The following CRACDL variants were observed in gnomAD, a reference collection of about 807,000 sequenced individuals.
The protein encoded by CRACDL is CRACD-like protein.
CRACDL carries 26 observed loss-of-function variants against 70.6 expected under a neutral mutation model. The observed-to-expected ratio is 0.37, with a 90% CI of 0.27 to 0.51. CRACDL has a LOEUF of 0.51. CRACDL is among the 20% of genes least tolerant of loss of function. The pLI, the probability that CRACDL is intolerant of heterozygous loss-of-function variation, is 0.94. For missense variants in CRACDL, 1,283 were observed against 1,376.9 expected (o/e 0.93, Z 1.08); for synonymous variants, 618 against 615.2 (o/e 1.00, Z -0.07).
intron 1 of CRACDL, among the ~76,000 whole-genome samples, chr2:98,877,457 T>C (rs531067222): frequency 1.2e-4 from 18 of 152,196 alleles, no homozygotes; most frequent in Non-Finnish European, 2.6e-4. Context: ...CAATTAGTTT[T>C]AAAAATAAAT....
rs868035256 is a variant in CRACDL, at chr2:98,795,080, T to A, written c.2750-409A>T. 1.2e-4 allele frequency among the ~76,000 whole-genome samples: 14 copies of A among 112,998 alleles called. 2 individuals carry two copies. The highest frequency in any genetic ancestry group is 4.0e-4 in the African/African-American group (12 of 29,672). The allele number at this position is 112,998 out of a possible 152,430, so 74.1% of individuals were successfully genotyped here. A position where few individuals can be genotyped will look rare whatever the true frequency, so the allele number is the denominator to read the frequency against. On this transcript the variant is annotated intron_variant, in intron 9 of 9. Transcript: ENST00000397899. ...ATATATATATATATATATATATATTTTTTTTTTTTTTTGAGACAGAAGTCT... is the reference window on the plus strand; with the variant it reads ...ATATATATATATATATATATATATTATTTTTTTTTTTTGAGACAGAAGTCT...
chr2:98,886,211 C>G (rs1342668243), intron 1 of CRACDL, among the ~76,000 whole-genome samples: 2 of 152,212 alleles, frequency 1.3e-5, no homozygotes, highest in Non-Finnish European at 2.9e-5. Flanking sequence ...ATTGACCTGG[C>G]TGGTGGTTCC....
At chr2:98,796,787 G>A (rs554203470) in intron 8 of CRACDL, among the ~76,000 whole-genome samples, 1 of 152,234 alleles carries the variant, frequency 6.6e-6, no homozygotes, top group African/African-American at 2.4e-5. Context: ...CAAAAATTGC[G>A]AGTCTCGGCC....
chr2:98,901,304 C>G (rs1470728858), intron 1 of CRACDL, among the ~76,000 whole-genome samples: 1 of 152,210 alleles, frequency 6.6e-6, no homozygotes, highest in African/African-American at 2.4e-5. Context: ...GGGAAAGTTG[C>G]CAGCATGACA....
intron 1 of CRACDL, among the ~76,000 whole-genome samples, chr2:98,887,300 C>T (rs547712705): frequency 2.0e-5 from 3 of 152,106 alleles, no homozygotes; most frequent in Non-Finnish European, 4.4e-5. Context: ...GCTTGGGCAA[C>T]ATAGCAAGGT....
At chr2:98,898,804 G>C (rs567390380) in intron 1 of CRACDL, among the ~76,000 whole-genome samples, 4 of 152,206 alleles carry the variant, frequency 2.6e-5, no homozygotes, top group East Asian at 1.9e-4. Context: ...CAGCATAAAG[G>C]CTGACCTGTT....
chr2:98,886,656 C>T (rs1397663277), intron 1 of CRACDL, among the ~76,000 whole-genome samples: 2 of 152,194 alleles, frequency 1.3e-5, no homozygotes, highest in Non-Finnish European at 2.9e-5. Context: ...AAATCTCAGT[C>T]TGATCATTAG....
At chr2:98,890,904 A>G (rs1021810451) in intron 1 of CRACDL, among the ~76,000 whole-genome samples, 2 of 151,910 alleles carry the variant, frequency 1.3e-5, no homozygotes, top group African/African-American at 4.8e-5. Context: ...CAAAAATACA[A>G]AAACTAGCTG....
chr2:98,869,295 G>A (rs1340961112), intron 1 of CRACDL: 23 of 1,215,376 alleles, frequency 1.9e-5, no homozygotes, highest in Admixed American at 3.0e-5. Context: ...AGGAAGTGGG[G>A]CTTCTGCCAA....
In CRACDL at chr2:98,811,094, G is replaced by T. The variant is rs554687392; in HGVS notation, c.2416+10763C>A. Among the ~76,000 whole-genome samples the T allele has an allele frequency of 1.4e-4, 22 of 152,272 alleles. No individual in the cohort carries two copies. The South Asian group carries it at 4.4e-3, about 30-fold the overall frequency. On this transcript the variant is annotated intron_variant, in intron 7 of 9. Transcript: ENST00000397899. The stretch of plus-strand genomic sequence containing the variant: ...AGATATGCATGCCCATCTTGTTGTG[G>T]TTATGACTGCAGTGTTCAAGGGAAA...
At chr2:98,876,852 C>T (rs1707499505) in intron 1 of CRACDL, among the ~76,000 whole-genome samples, 2 of 152,240 alleles carry the variant, frequency 1.3e-5, no homozygotes, top group African/African-American at 2.4e-5. Flanking sequence ...CCAGCACCGA[C>T]AGCATGTGTT....
chr2:98,900,058 A>T (rs1708230202), intron 1 of CRACDL, among the ~76,000 whole-genome samples: 1 of 113,732 alleles, frequency 8.8e-6, no homozygotes, highest in Non-Finnish European at 1.7e-5. Context: ...ACAGAGGCTC[A>T]GTAGGAGGGG....
chr2:98,904,331 C>T (rs1020585361), intron 1 of CRACDL, among the ~76,000 whole-genome samples: 6 of 152,200 alleles, frequency 3.9e-5, no homozygotes. Context: ...CTCTCTGTCC[C>T]AGCCACACAC....
At chr2:98,908,630 G>C (rs1408327226) in intron 1 of CRACDL, 1 of 152,286 alleles carries the variant, frequency 6.6e-6, no homozygotes, top group African/African-American at 2.4e-5. Context: ...CTCCATTAAG[G>C]TCTGTCCCCT....
At chr2:98,836,082 A>G (rs1705767823) in intron 3 of CRACDL, among the ~76,000 whole-genome samples, 1 of 152,242 alleles carries the variant, frequency 6.6e-6, no homozygotes, top group African/African-American at 2.4e-5. Context: ...GACATTCTGC[A>G]GGACACATGG....
chr2:98,869,119 C>T, intron 1 of CRACDL: 1 of 1,304,352 alleles, frequency 7.7e-7, no homozygotes, highest in Non-Finnish European at 1.0e-6. Context: ...CAGCCATCCT[C>T]CTGAGTGTGC....
At chr2:98,890,053 A>G (rs1032551400) in intron 1 of CRACDL, among the ~76,000 whole-genome samples, 1 of 152,238 alleles carries the variant, frequency 6.6e-6, no homozygotes, top group African/African-American at 2.4e-5. Flanking sequence ...AATGTTAAAA[A>G]AGAAGAAAAG....
intron 1 of CRACDL, among the ~76,000 whole-genome samples, chr2:98,895,206 C>A (rs534566205): frequency 2.4e-4 from 36 of 152,306 alleles, no homozygotes; most frequent in African/African-American, 7.7e-4. Context: ...CAGCTTCTAG[C>A]TACAAGCACC....
At position 98,860,134 on chromosome 2, in the gene CRACDL, G is replaced by GA. The variant is rs553564400; in HGVS notation, c.-10-13325dup. On this transcript the variant is annotated intron_variant, in intron 1 of 9. Transcript: ENST00000397899. ...CTTGTACACTGAAAATAACAACGTT[G>GA]AAAAAAAATTAAAGAAGACATAAAT... 3.9e-5 allele frequency among the ~76,000 whole-genome samples: 6 copies of GA among 151,940 alleles called. No homozygotes were observed. In the South Asian group the frequency reaches 8.3e-4, roughly 21 times the overall value.
Sources: allele counts gnomAD v4.1 joint callset (sites outside exome capture counted in the v4.1 genomes callset), GRCh38; gene constraint gnomAD v4.1.1; transcripts MANE v1.5; gene names NCBI Gene and HGNC (gene_info 2026-07-23, HGNC 2026-07-21).